GRIA3: variants seen among roughly 807,000 people sequenced by gnomAD.
GRIA3 encodes the protein glutamate receptor 3.
Under a neutral mutation model 63.0 loss-of-function variants are expected in GRIA3, and 3 were observed. The ratio of observed to expected loss-of-function variants is 0.05; its 90% CI spans 0.02 to 0.12. The LOEUF (loss-of-function observed/expected upper bound fraction) is 0.12. Among genes scored for constraint, GRIA3 ranks in the 10% least tolerant of loss-of-function variants. The probability of loss-of-function intolerance (pLI) is 1.00; values close to 1 mark genes in which losing one functional copy is unlikely to be tolerated. For missense variants in GRIA3, 347 were observed against 700.9 expected, an observed-to-expected ratio of 0.50 and a Z score of 5.70; for synonymous variants, 274 against 257.9, an observed-to-expected ratio of 1.06 and a Z score of -0.60.
At chrX:123,376,762 G>A (rs1418362893) in intron 5 of GRIA3, among the ~76,000 whole-genome samples, 1 of 111,101 alleles carries the variant, frequency 9.0e-6, no homozygotes, top group Non-Finnish European at 1.9e-5. Context: ...TGGTCTGCAA[G>A]TGGTCAGCTC....
intron 15 of GRIA3, 122 bp downstream of exon 15, chrX:123,483,168 T>A (rs777694100): frequency 1.7e-6 from 1 of 576,886 alleles, no homozygotes; most frequent in South Asian, 2.8e-5. Context: ...TTGCAACCAT[T>A]TGATTCTTTG....
rs771072372 is a variant in GRIA3, at chrX:123,331,348, G to A, written c.696+5135G>A. 2.2e-3 allele frequency among the ~76,000 whole-genome samples: 247 copies of A among 111,789 alleles called. 1 individual carries two copies. The highest frequency in any genetic ancestry group is 3.8e-3 in the Non-Finnish European group (201 of 53,078). ...GTCACTTTGAATTTGGTAGTTTTAA[G>A]AAATGAAAGTAAGTCAGTTTCCTAA... On this transcript the variant is annotated intron_variant, in intron 4 of 15. Coordinates refer to ENST00000620443, the MANE Select transcript of GRIA3 (RefSeq NM_007325.5).
In GRIA3 at chrX:123,473,463, G is replaced by A. The variant is rs193105068; in HGVS notation, c.2325-6600G>A. On this transcript the variant is annotated intron_variant, in intron 13 of 15. Coordinates refer to ENST00000620443, the MANE Select transcript of GRIA3 (RefSeq NM_007325.5). ...AAGCAAGACCAACCTGGGCAGAGAT[G>A]TCTGTGACTGCCTGCCTGTACATGC... Among the ~76,000 whole-genome samples, 53 of 112,118 alleles carry A rather than the reference G, an allele frequency of 4.7e-4. No homozygotes were observed. In the East Asian group the frequency reaches 0.013, roughly 27 times the overall value.
chrX:123,231,042 T>A (rs1436958156), intron 2 of GRIA3, among the ~76,000 whole-genome samples: 1 of 112,002 alleles, frequency 8.9e-6, no homozygotes, highest in Non-Finnish European at 1.9e-5. Context: ...GTGAGCAAAT[T>A]GCTAGTCTTT....
intron 13 of GRIA3, among the ~76,000 whole-genome samples, chrX:123,476,783 TA>T (rs1245909812): frequency 9.0e-6 from 1 of 111,290 alleles, no homozygotes; most frequent in East Asian, 2.8e-4. Context: ...CAAAATTCTC[TA>T]AAGTCCTGTG....
chrX:123,342,700 T>C lies in GRIA3; in HGVS notation c.697-12210T>C, dbSNP rs764864749. 6.2e-5 allele frequency among the ~76,000 whole-genome samples: 7 copies of C among 112,002 alleles called. No individual in the cohort carries two copies. In the South Asian group the frequency reaches 2.6e-3, roughly 42 times the overall value. On this transcript the variant is annotated intron_variant, in intron 4 of 15. Transcript: ENST00000620443. ...TTAAACAATGACAACTCATGTCATA[T>C]GCTGATAGGGAATCGAAAATTGGAG... is the stretch of plus-strand genomic sequence containing the variant.
chrX:123,380,043 C>T (rs1418805247), intron 5 of GRIA3, among the ~76,000 whole-genome samples: 85 of 110,564 alleles, frequency 7.7e-4, no homozygotes, highest in Non-Finnish European at 1.5e-4. Context: ...CAGTCTATCA[C>T]TGATGGACAT....
intron 15 of GRIA3, among the ~76,000 whole-genome samples, chrX:123,485,440 T>A (rs1183701157): frequency 9.0e-6 from 1 of 111,564 alleles, no homozygotes; most frequent in Non-Finnish European, 1.9e-5. Flanking sequence ...AACCCAGCCC[T>A]TCTTCTGCCT....
At position 123,305,906 on chromosome X, in the gene GRIA3, C is replaced by T. The variant is rs763220114; in HGVS notation, c.509-20120C>T. ...TTTAAAGCATAGGTAGACAGAATAGCTGAAGATGGGAGGTGGTGGGGGAAG... is the reference window on the plus strand; with the variant it reads ...TTTAAAGCATAGGTAGACAGAATAGTTGAAGATGGGAGGTGGTGGGGGAAG... On this transcript the variant is annotated intron_variant, in intron 3 of 15. Coordinates refer to ENST00000620443, the MANE Select transcript of GRIA3 (RefSeq NM_007325.5). Among the ~76,000 whole-genome samples, 23 of 112,152 alleles carry T rather than the reference C, an allele frequency of 2.1e-4. No homozygotes were observed. In the South Asian group the frequency reaches 8.6e-3, roughly 42 times the overall value.
chrX:123,248,977 C>T (rs2044374922), intron 2 of GRIA3, among the ~76,000 whole-genome samples: 1 of 111,597 alleles, frequency 9.0e-6, no homozygotes, highest in African/African-American at 3.3e-5. Flanking sequence ...ATGGGAAACC[C>T]CTGGTAGAGC....
At chrX:123,341,156 TG>T (rs926345551) in intron 4 of GRIA3, among the ~76,000 whole-genome samples, 5 of 111,859 alleles carry the variant, frequency 4.5e-5, no homozygotes, top group African/African-American at 1.6e-4. Context: ...TGTAAATGTC[TG>T]TTTTCAATGC....
chrX:123,307,353 G>A (rs2044761451), intron 3 of GRIA3, among the ~76,000 whole-genome samples: 1 of 112,074 alleles, frequency 8.9e-6, no homozygotes, highest in Admixed American at 9.5e-5. Context: ...GATAATAGGA[G>A]ATAACATTTC....
intron 1 of GRIA3, chrX:123,185,099 G>A: frequency 6.7e-6 from 2 of 300,707 alleles, no homozygotes; most frequent in South Asian, 3.0e-5. Flanking sequence ...CGTGGTCTCC[G>A]GCTGTCGGGA....
At chrX:123,416,654 C>T (rs968455734) in intron 10 of GRIA3, among the ~76,000 whole-genome samples, 31 of 112,954 alleles carry the variant, frequency 2.7e-4, no homozygotes, top group African/African-American at 8.3e-4. Flanking sequence ...GATATTATCA[C>T]TAGAAAATAT....
At chrX:123,285,577 C>CAAAAAAAAAAAAAAA (rs59101106) in intron 3 of GRIA3, among the ~76,000 whole-genome samples, 142 of 10,162 alleles carry the variant, frequency 0.014, no homozygotes, top group Non-Finnish European at 0.016. Context: ...AAATGAAAAG[C>CAAAAAAAAAAAAAAA]AAAAAAAAAA....
At chrX:123,329,268 T>C (rs1411909301) in intron 4 of GRIA3, among the ~76,000 whole-genome samples, 1 of 111,899 alleles carries the variant, frequency 8.9e-6, no homozygotes, top group Non-Finnish European at 1.9e-5. Flanking sequence ...TTGGCATAAA[T>C]TAAGTTTATA....
intron 5 of GRIA3, among the ~76,000 whole-genome samples, chrX:123,362,524 A>G (rs2045182341): frequency 9.0e-6 from 1 of 111,324 alleles, no homozygotes. Flanking sequence ...AATTTTGGGT[A>G]GAGCAGAATG....
At chrX:123,191,890 C>T (rs147901307) in intron 2 of GRIA3, among the ~76,000 whole-genome samples, 26 of 110,812 alleles carry the variant, frequency 2.3e-4, no homozygotes, top group African/African-American at 7.9e-4. Flanking sequence ...ATATATGTAA[C>T]GGGGAGTATC....
chrX:123,365,775 G>T (rs193170330), intron 5 of GRIA3, among the ~76,000 whole-genome samples: 11 of 111,748 alleles, frequency 9.8e-5, no homozygotes, highest in Admixed American at 4.7e-4. Flanking sequence ...AAAAAGAAGA[G>T]ATTTTAAAGG....
Sources: gnomAD v4.1 joint callset for allele counts (sites outside exome capture counted in the v4.1 genomes callset) on GRCh38, gnomAD v4.1.1 for gene constraint, MANE v1.5 for transcripts, NCBI Gene and HGNC (gene_info 2026-07-23, HGNC 2026-07-21) for gene names.